PDE4D: variants seen among roughly 807,000 people sequenced by gnomAD.
The protein encoded by PDE4D is phosphodiesterase 4D, also known as 3',5'-cyclic-AMP phosphodiesterase 4D.
Under a neutral mutation model 87.4 loss-of-function variants are expected in PDE4D, and 24 were observed. The ratio of observed to expected loss-of-function variants is 0.27; its 90% CI spans 0.20 to 0.39. The LOEUF (loss-of-function observed/expected upper bound fraction) is 0.39, where lower values mean the gene tolerates loss of function less well. PDE4D is among the 10% of genes least tolerant of loss of function. PDE4D has a pLI of 1.00. For missense variants in PDE4D, 714 were observed against 1,041.0 expected, an observed-to-expected ratio of 0.69 and a Z score of 4.32; for synonymous variants, 384 against 383.2, an observed-to-expected ratio of 1.00 and a Z score of -0.02.
chr5:59,626,847 T>C (rs979967981), intron 1 of PDE4D, among the ~76,000 whole-genome samples: 2 of 152,212 alleles, frequency 1.3e-5, no homozygotes, highest in African/African-American at 2.4e-5. Context: ...CAAATATATA[T>C]GCTTCTATTG....
chr5:59,124,351 C>G (rs933832958), intron 5 of PDE4D, among the ~76,000 whole-genome samples: 3 of 152,212 alleles, frequency 2.0e-5, no homozygotes, highest in African/African-American at 7.2e-5. Context: ...AAACTGCTCA[C>G]CAGCAAGCTT....
chr5:60,421,417 C>A (rs191178224), intron 1 of PDE4D, among the ~76,000 whole-genome samples: 1 of 152,294 alleles, frequency 6.6e-6, no homozygotes, highest in African/African-American at 2.4e-5. Context: ...GAGTGGACCT[C>A]CAGCAAAATC....
At chr5:59,241,907 T>A (rs993250582) in intron 1 of PDE4D, among the ~76,000 whole-genome samples, 1 of 152,194 alleles carries the variant, frequency 6.6e-6, no homozygotes, top group Non-Finnish European at 1.5e-5. Context: ...GAATAGTACT[T>A]AAAGAATTCT....
At chr5:59,630,171 T>C (rs1266575773) in intron 1 of PDE4D, among the ~76,000 whole-genome samples, 1 of 152,206 alleles carries the variant, frequency 6.6e-6, no homozygotes, top group Non-Finnish European at 1.5e-5. Context: ...TTTATGCATA[T>C]GCACACATAC....
At chr5:59,657,875 C>T (rs1268997102) in intron 1 of PDE4D, among the ~76,000 whole-genome samples, 2 of 152,144 alleles carry the variant, frequency 1.3e-5, no homozygotes, top group East Asian at 3.8e-4. Flanking sequence ...CACTGTTTAA[C>T]ATTTAGCAAT....
intron 3 of PDE4D, among the ~76,000 whole-genome samples, chr5:59,900,293 T>C (rs1313830480): frequency 2.0e-5 from 3 of 150,794 alleles, no homozygotes; most frequent in African/African-American, 7.3e-5. Flanking sequence ...CACACATATA[T>C]ATATACACTA....
At chr5:60,060,167 T>TTC (rs998193776) in intron 2 of PDE4D, among the ~76,000 whole-genome samples, 2 of 151,986 alleles carry the variant, frequency 1.3e-5, no homozygotes, top group African/African-American at 4.8e-5. Flanking sequence ...CATCACAAAG[T>TTC]TCTCTCTCTC....
At chr5:60,126,072 T>A (rs149761423) in intron 2 of PDE4D, among the ~76,000 whole-genome samples, 23 of 152,116 alleles carry the variant, frequency 1.5e-4, no homozygotes, top group Non-Finnish European at 3.4e-4. Flanking sequence ...TTTACCTCCA[T>A]TAGCTTCAGA....
In PDE4D at chr5:59,853,310, T is replaced by C. The variant is rs139463171; in HGVS notation, c.455+39858A>G. ...TGTCTGTAAAATTAGATTGGAAATA[T>C]AGAGGCCATACAAATTCACAATTTG... On this transcript the variant is annotated intron_variant, in intron 1 of 14. Transcript: ENST00000340635. Among the ~76,000 whole-genome samples the C allele has an allele frequency of 5.8e-4, 88 of 152,206 alleles. 4 individuals are homozygous for C. The highest frequency in any genetic ancestry group is 2.0e-3 in the African/African-American group (84 of 41,558).
intron 1 of PDE4D, among the ~76,000 whole-genome samples, chr5:59,403,945 C>T (rs543152346): frequency 1.3e-5 from 2 of 152,298 alleles, no homozygotes; most frequent in South Asian, 4.1e-4. Flanking sequence ...TCTCTTTTCT[C>T]TACATCCTTG....
chr5:60,462,365 C>T (rs1258147932), intron 1 of PDE4D, among the ~76,000 whole-genome samples: 1 of 152,090 alleles, frequency 6.6e-6, no homozygotes, highest in Non-Finnish European at 1.5e-5. Context: ...CAGGCTGGCT[C>T]ACCCACACAC....
chr5:59,435,403 T>C (rs1398555966), intron 1 of PDE4D, among the ~76,000 whole-genome samples: 6 of 152,334 alleles, frequency 3.9e-5, no homozygotes, highest in Admixed American at 3.9e-4. Context: ...GGTAGTGTCT[T>C]TCCTGTACAC....
chr5:59,382,524 T>C (rs576129481), intron 1 of PDE4D, among the ~76,000 whole-genome samples: 11 of 152,290 alleles, frequency 7.2e-5, no homozygotes, highest in Non-Finnish European at 1.5e-4. Flanking sequence ...TCACTGTGTA[T>C]ATCACTCTCT....
intron 1 of PDE4D, among the ~76,000 whole-genome samples, chr5:59,709,002 G>A (rs1753830296): frequency 6.6e-6 from 1 of 151,396 alleles, no homozygotes; most frequent in African/African-American, 2.4e-5. Flanking sequence ...GAGAAGCTGT[G>A]AATTTGATAG....
chr5:59,343,041 C>T (rs1459660301), intron 1 of PDE4D, among the ~76,000 whole-genome samples: 3 of 149,038 alleles, frequency 2.0e-5, no homozygotes, highest in African/African-American at 2.5e-5. Context: ...ATGGTAAATT[C>T]GTGTCATGGG....
intron 1 of PDE4D, among the ~76,000 whole-genome samples, chr5:60,430,561 T>TTTTTTTTTTA (rs1554034826): frequency 6.6e-6 from 1 of 150,800 alleles, no homozygotes; most frequent in African/African-American, 2.5e-5. Flanking sequence ...TTTTTTTTTT[T>TTTTTTTTTTA]ATTGATCATT....
intron 3 of PDE4D, among the ~76,000 whole-genome samples, chr5:59,984,334 G>T (rs2152827567): frequency 6.6e-6 from 1 of 152,200 alleles, no homozygotes; most frequent in South Asian, 2.1e-4. Context: ...GTCATTAATA[G>T]CTGTCTCTCT....
At chr5:59,702,979 A>C (rs2150463959) in intron 1 of PDE4D, among the ~76,000 whole-genome samples, 1 of 152,256 alleles carries the variant, frequency 6.6e-6, no homozygotes, top group Non-Finnish European at 1.5e-5. Context: ...CCAATATGCA[A>C]AGGGAACATA....
chr5:59,083,626 A>T (rs527762783), intron 5 of PDE4D, among the ~76,000 whole-genome samples: 2 of 152,072 alleles, frequency 1.3e-5, no homozygotes, highest in South Asian at 4.1e-4. Context: ...TGGAAATCAG[A>T]TCATACTTAA....
Sources: gnomAD v4.1 joint callset for allele counts (sites outside exome capture counted in the v4.1 genomes callset) on GRCh38, gnomAD v4.1.1 for gene constraint, MANE v1.5 for transcripts, NCBI Gene and HGNC (gene_info 2026-07-23, HGNC 2026-07-21) for gene names.